TECTA: variants seen among roughly 807,000 people sequenced by gnomAD.
The protein encoded by TECTA is tectorin alpha.
TECTA carries 128 observed loss-of-function variants against 216.8 expected under a neutral mutation model. The ratio of observed to expected loss-of-function variants is 0.59; its 90% CI spans 0.51 to 0.68. TECTA has a LOEUF of 0.68. Ranked by LOEUF, TECTA falls within the 30% of genes least tolerant of loss-of-function variation. TECTA has a pLI of 0.00. For synonymous variants in TECTA, 1,089 were observed against 1,117.1 expected, an observed-to-expected ratio of 0.97 and a Z score of 0.50; for missense variants, 2,551 against 2,786.2, an observed-to-expected ratio of 0.92 and a Z score of 1.90.
intron 11 of TECTA, among the ~76,000 whole-genome samples, chr11:121,144,980 C>T (rs1390053077): frequency 6.6e-6 from 1 of 152,118 alleles, no homozygotes; most frequent in Non-Finnish European, 1.5e-5. Flanking sequence ...GTTACCCAGA[C>T]AAGGGAGTAA....
At chr11:121,110,359 A>C (rs940458462) in intron 4 of TECTA, 1 of 152,152 alleles carries the variant, frequency 6.6e-6, no homozygotes, top group Non-Finnish European at 1.5e-5. Context: ...TCTGTTTTCC[A>C]ATTTCCTTGG....
At chr11:121,181,623 C>T (rs1024880292) in intron 20 of TECTA, among the ~76,000 whole-genome samples, 7 of 152,100 alleles carry the variant, frequency 4.6e-5, no homozygotes, top group African/African-American at 1.7e-4. Flanking sequence ...GAATGTGCCA[C>T]CATGCCCAGC....
intron 16 of TECTA, among the ~76,000 whole-genome samples, chr11:121,163,496 G>A (rs1947021339): frequency 6.6e-6 from 1 of 151,588 alleles, no homozygotes; most frequent in African/African-American, 2.4e-5. Context: ...TATACCTAAT[G>A]CTAAATGACG....
At position 121,163,842 on chromosome 11, in the gene TECTA, C is replaced by T. The variant is rs1947025646; in HGVS notation, c.5273-1431C>T. ...CTTTCTGTTGTTTGTCATTCTCGTA[C>T]AGAGGTGGTGAATCATAACTTTCGC... On this transcript the variant is annotated intron_variant, in intron 16 of 23. Coordinates refer to ENST00000392793, the MANE Select transcript of TECTA (RefSeq NM_005422.4). 1.3e-5 allele frequency among the ~76,000 whole-genome samples: 2 copies of T among 152,322 alleles called. 1 individual carries two copies. The highest frequency in any genetic ancestry group is 4.1e-4 in the South Asian group (2 of 4,826).
At chr11:121,161,997 A>G in intron 15 of TECTA, 78 bp from the exon 16 acceptor site, 1 of 1,594,624 alleles carries the variant, frequency 6.3e-7, no homozygotes, top group Admixed American at 1.7e-5. Flanking sequence ...CTTCAGGGGT[A>G]GCAAAACAGG....
chr11:121,182,257 T>C (rs925872243), intron 20 of TECTA, among the ~76,000 whole-genome samples: 22 of 151,618 alleles, frequency 1.5e-4, no homozygotes, highest in African/African-American at 5.3e-4. Context: ...AAGTGGTGTG[T>C]GTGGCATCAG....
intron 20 of TECTA, among the ~76,000 whole-genome samples, chr11:121,178,350 T>C (rs765805118): frequency 2.0e-5 from 3 of 152,232 alleles, no homozygotes; most frequent in Non-Finnish European, 4.4e-5. Context: ...TTCATTCTTA[T>C]GTGATATATG....
At chr11:121,157,791 C>A in intron 13 of TECTA, 50 bp from the exon 14 acceptor site, 3 of 1,612,022 alleles carry the variant, frequency 1.9e-6, no homozygotes, top group Non-Finnish European at 2.5e-6. Flanking sequence ...TTTCGGGTCC[C>A]CAGCCCTGAC....
In TECTA at chr11:121,190,696, C is replaced by G. The variant is rs1947332525; in HGVS notation, c.6368-10C>G. 1 of 1,607,308 alleles carries G rather than the reference C, an allele frequency of 6.2e-7. No homozygotes were observed. The highest frequency in any genetic ancestry group is 1.3e-5 in the African/African-American group (1 of 74,788). ...CCCATAGGGCTTACTGTGTTCCTCT[C>G]TGTTTACAGCCTCTAATTCTTCAAT... is the stretch of plus-strand genomic sequence containing the variant. On this transcript the variant is annotated splice_polypyrimidine_tract_variant and intron_variant, in intron 23 of 23. Transcript: ENST00000392793.
chr11:121,116,740 C>T (rs1019362015), intron 6 of TECTA, among the ~76,000 whole-genome samples: 3 of 152,116 alleles, frequency 2.0e-5, no homozygotes, highest in African/African-American at 4.8e-5. Context: ...AAAGAGTCTA[C>T]CTTTTGGTCC....
At chr11:121,190,456 G>A (rs1320537842) in intron 23 of TECTA, among the ~76,000 whole-genome samples, 1 of 152,110 alleles carries the variant, frequency 6.6e-6, no homozygotes, top group Non-Finnish European at 1.5e-5. Context: ...GTAGAGATGG[G>A]GTTTCACCAT....
rs11218164 is a variant in TECTA, at chr11:121,155,449, T to A, written c.4305+2369T>A. Among the ~76,000 whole-genome samples, 4 of 152,326 alleles carry A rather than the reference T, an allele frequency of 2.6e-5. No individual in the cohort carries two copies. In the East Asian group the frequency reaches 7.7e-4, roughly 29 times the overall value. ...CTGTTGGCACCCAGAATATGTTACATAAGTCTGGAAGGAGAGTAGACTTAG... is the reference window on the plus strand; with the variant it reads ...CTGTTGGCACCCAGAATATGTTACAAAAGTCTGGAAGGAGAGTAGACTTAG... On this transcript the variant is annotated intron_variant, in intron 13 of 23. Transcript: ENST00000392793.
At chr11:121,132,380 G>A (rs969472817) in intron 10 of TECTA, among the ~76,000 whole-genome samples, 4 of 152,126 alleles carry the variant, frequency 2.6e-5, no homozygotes, top group South Asian at 2.1e-4. Flanking sequence ...TGCTTTCCAC[G>A]AGGCACGATG....
intron 20 of TECTA, among the ~76,000 whole-genome samples, chr11:121,179,261 T>A (rs905052765): frequency 1.3e-5 from 2 of 152,184 alleles, no homozygotes; most frequent in African/African-American, 4.8e-5. Flanking sequence ...AAATTTTTTT[T>A]AAATCTCCTT....
chr11:121,160,995 C>G (rs1420155473), intron 15 of TECTA, among the ~76,000 whole-genome samples: 4 of 152,354 alleles, frequency 2.6e-5, no homozygotes, highest in African/African-American at 7.2e-5. Context: ...TAGGGCCCCT[C>G]AGGGCTGCTG....
chr11:121,155,728 C>T (rs1280450593), intron 13 of TECTA, among the ~76,000 whole-genome samples: 1 of 152,154 alleles, frequency 6.6e-6, no homozygotes, highest in Admixed American at 6.5e-5. Flanking sequence ...GTCGATAATG[C>T]ATTGAGTGCC....
chr11:121,125,112 C>T (rs929011900), intron 7 of TECTA, among the ~76,000 whole-genome samples, 190 bp from the exon 8 acceptor site: 2 of 152,258 alleles, frequency 1.3e-5, no homozygotes, highest in African/African-American at 2.4e-5. Flanking sequence ...TGGGCTGGCC[C>T]ACAAGCAGCT....
intron 3 of TECTA, 120 bp from the exon 4 acceptor site, chr11:121,109,091 A>G: frequency 9.1e-7 from 1 of 1,096,150 alleles, no homozygotes; most frequent in East Asian, 2.5e-5. Flanking sequence ...TGGGGGTTCT[A>G]ATTCAGTAGT....
At chr11:121,168,644 T>A (rs752307448) in intron 19 of TECTA, 33 bp from the exon 20 acceptor site, 3 of 1,614,126 alleles carry the variant, frequency 1.9e-6, no homozygotes, top group Non-Finnish European at 2.5e-6. Flanking sequence ...AACATTGTTT[T>A]GGATTCCTGT....
Sources: allele counts gnomAD v4.1 joint callset (sites outside exome capture counted in the v4.1 genomes callset), GRCh38; gene constraint gnomAD v4.1.1; transcripts MANE v1.5; gene names NCBI Gene and HGNC (gene_info 2026-07-23, HGNC 2026-07-21).